Variants in CAMKMT observed in about 807,000 individuals in gnomAD.
CAMKMT encodes the protein CaM KMT.
Under a neutral mutation model 48.0 loss-of-function variants are expected in CAMKMT, and 53 were observed. The observed-to-expected ratio is 1.10, with a 90% CI of 0.89 to 1.39. CAMKMT has a LOEUF of 1.39. Among genes scored for constraint, CAMKMT ranks in the 40% most tolerant of loss-of-function variants. The probability of loss-of-function intolerance (pLI) is 0.00; values close to 1 mark genes in which losing one functional copy is unlikely to be tolerated. For missense variants in CAMKMT, 428 were observed against 402.7 expected (o/e 1.06, Z -0.54); for synonymous variants, 165 against 152.3 (o/e 1.08, Z -0.61).
chr2:44,763,570 G>A (rs574847516), intron 9 of CAMKMT, among the ~76,000 whole-genome samples: 1 of 152,302 alleles, frequency 6.6e-6, no homozygotes, highest in East Asian at 1.9e-4. Flanking sequence ...AGAAGACAGG[G>A]CAATAACAAA....
At chr2:44,705,335 C>T in intron 4 of CAMKMT, 1 of 985,098 alleles carries the variant, frequency 1.0e-6, no homozygotes, top group Non-Finnish European at 1.2e-6. Flanking sequence ...ACTTCCCAAA[C>T]TGGGAAGAGG....
intron 3 of CAMKMT, among the ~76,000 whole-genome samples, chr2:44,420,880 G>T: frequency 6.7e-6 from 1 of 150,020 alleles, no homozygotes. Flanking sequence ...GGGATTAACT[G>T]TCACCTCATT....
intron 3 of CAMKMT, among the ~76,000 whole-genome samples, chr2:44,575,863 A>T (rs1026340657): frequency 3.9e-5 from 6 of 152,090 alleles, no homozygotes; most frequent in African/African-American, 1.2e-4. Flanking sequence ...TCTCAAAAAA[A>T]TTTAAAAAAT....
intron 3 of CAMKMT, among the ~76,000 whole-genome samples, chr2:44,529,280 A>T (rs1666339728): frequency 6.6e-6 from 1 of 152,136 alleles, no homozygotes. Flanking sequence ...TTCTACTGAT[A>T]CTCAAACTTG....
intron 3 of CAMKMT, among the ~76,000 whole-genome samples, chr2:44,600,396 A>T (rs1479226694): frequency 1.3e-5 from 2 of 151,968 alleles, no homozygotes; most frequent in Non-Finnish European, 2.9e-5. Context: ...CCTTCCGAGT[A>T]GCTGGGACTA....
chr2:44,381,361 A>G (rs1283687317), intron 2 of CAMKMT, among the ~76,000 whole-genome samples: 1 of 152,208 alleles, frequency 6.6e-6, no homozygotes, highest in Admixed American at 6.5e-5. Flanking sequence ...AGATTTAATT[A>G]CAAGTATTTA....
At chr2:44,578,163 C>T (rs976647970) in intron 3 of CAMKMT, among the ~76,000 whole-genome samples, 2 of 151,988 alleles carry the variant, frequency 1.3e-5, no homozygotes, top group Non-Finnish European at 2.9e-5. Flanking sequence ...ATTACCTACA[C>T]GTTATATAAA....
intron 3 of CAMKMT, among the ~76,000 whole-genome samples, chr2:44,399,656 T>A (rs369443921): frequency 6.6e-6 from 1 of 151,914 alleles, no homozygotes; most frequent in African/African-American, 2.4e-5. Flanking sequence ...AAATTCTAAC[T>A]CTTGTATCCA....
chr2:44,632,560 C>T (rs1672897027), intron 3 of CAMKMT, among the ~76,000 whole-genome samples: 1 of 152,136 alleles, frequency 6.6e-6, no homozygotes, highest in Admixed American at 6.6e-5. Context: ...TAAAATCCTA[C>T]ATATCTAACA....
intron 8 of CAMKMT, among the ~76,000 whole-genome samples, chr2:44,750,834 T>G (rs1199652506): frequency 6.6e-6 from 1 of 152,160 alleles, no homozygotes; most frequent in East Asian, 1.9e-4. Flanking sequence ...GCCAACATGG[T>G]GAAACCCTGC....
chr2:44,364,773 C>T (rs1336008887), intron 1 of CAMKMT, among the ~76,000 whole-genome samples: 1 of 152,168 alleles, frequency 6.6e-6, no homozygotes, highest in Admixed American at 6.5e-5. Context: ...CTGTAGTCAT[C>T]TGGGTATCTC....
intron 3 of CAMKMT, among the ~76,000 whole-genome samples, chr2:44,501,632 A>G (rs1051650116): frequency 2.2e-4 from 33 of 152,320 alleles, no homozygotes; most frequent in Admixed American, 3.9e-4. Flanking sequence ...AAATTAATTA[A>G]TAAAGGGCTC....
At chr2:44,643,794 C>A (rs1401807514) in intron 3 of CAMKMT, among the ~76,000 whole-genome samples, 1 of 152,088 alleles carries the variant, frequency 6.6e-6, no homozygotes, top group African/African-American at 2.4e-5. Context: ...TATCTTTTCC[C>A]TGTGAGCCTG....
At chr2:44,407,878 T>A (rs1002118114) in intron 3 of CAMKMT, among the ~76,000 whole-genome samples, 5 of 152,190 alleles carry the variant, frequency 3.3e-5, no homozygotes, top group African/African-American at 1.2e-4. Context: ...CTTGCTGCAC[T>A]TTACTAAAAG....
intron 3 of CAMKMT, among the ~76,000 whole-genome samples, chr2:44,473,200 T>A (rs1668515424): frequency 6.6e-6 from 1 of 152,152 alleles, no homozygotes; most frequent in African/African-American, 2.4e-5. Flanking sequence ...TTGGCCAACA[T>A]ATGTTTTTTT....
At chr2:44,634,250 A>G (rs1672997963) in intron 3 of CAMKMT, among the ~76,000 whole-genome samples, 1 of 151,836 alleles carries the variant, frequency 6.6e-6, no homozygotes, top group African/African-American at 2.4e-5. Context: ...TGAAAATTCC[A>G]GCCACCTCAG....
At chr2:44,480,609 TTCTA>T (rs1253288228) in intron 3 of CAMKMT, among the ~76,000 whole-genome samples, 9 of 152,200 alleles carry the variant, frequency 5.9e-5, no homozygotes, top group South Asian at 2.1e-4. Flanking sequence ...AATCTGAGAA[TTCTA>T]TCTTTGTTTT....
intron 3 of CAMKMT, among the ~76,000 whole-genome samples, chr2:44,638,355 C>T (rs553174845): frequency 2.0e-5 from 3 of 152,194 alleles, no homozygotes; most frequent in East Asian, 1.9e-4. Flanking sequence ...GATTCCCCCT[C>T]GTAAAATCTA....
chr2:44,755,482 A>G (rs1394479383), intron 9 of CAMKMT, among the ~76,000 whole-genome samples: 1 of 152,216 alleles, frequency 6.6e-6, no homozygotes, highest in African/African-American at 2.4e-5. Context: ...TGTATCATAC[A>G]TAAATATAAT....
Sources: allele counts gnomAD v4.1 joint callset (sites outside exome capture counted in the v4.1 genomes callset), GRCh38; gene constraint gnomAD v4.1.1; transcripts MANE v1.5; gene names NCBI Gene and HGNC (gene_info 2026-07-23, HGNC 2026-07-21).